TENM3: variants seen among roughly 807,000 people sequenced by gnomAD.
TENM3 encodes teneurin-3.
Under a neutral mutation model 255.1 loss-of-function variants are expected in TENM3, and 63 were observed. The observed-to-expected ratio is 0.25, with a 90% confidence interval of 0.20 to 0.30. The LOEUF is 0.30. Ranked by LOEUF, TENM3 falls within the 10% of genes least tolerant of loss-of-function variation. TENM3 has a pLI of 1.00. For synonymous variants in TENM3, 1,306 were observed against 1,322.3 expected, an observed-to-expected ratio of 0.99 and a Z score of 0.27; for missense variants, 2,929 against 3,461.1, an observed-to-expected ratio of 0.85 and a Z score of 3.86.
At chr4:182,101,325 AGGG>A in the TENM3 span, among the ~76,000 whole-genome samples, 3 of 123,984 alleles carry the variant, frequency 2.4e-5, no homozygotes, top group African/African-American at 9.0e-5. Context: ...GAAAGAATGG[AGGG>A]AGGAAGGAAA....
chr4:181,467,147 T>TTTG, the TENM3 span, among the ~76,000 whole-genome samples: 1 of 113,018 alleles, frequency 8.8e-6, no homozygotes, highest in African/African-American at 3.8e-5. Flanking sequence ...TTTTTTTTTT[T>TTTG]TAGGCAGAGT....
chr4:182,743,128 C>A, intron 18 of TENM3, 42 bp from the exon 19 acceptor site: 1 of 1,554,528 alleles, frequency 6.4e-7, no homozygotes, highest in Non-Finnish European at 8.7e-7. Flanking sequence ...CATCTTTACA[C>A]TTTTTCATCA....
chr4:182,388,859 G>C (rs1768201608), intron 3 of TENM3, among the ~76,000 whole-genome samples: 1 of 152,172 alleles, frequency 6.6e-6, no homozygotes, highest in Non-Finnish European at 1.5e-5. Context: ...ACCAAAAGTT[G>C]TTGGCTCTGC....
chr4:181,490,987 G>A, the TENM3 span, among the ~76,000 whole-genome samples: 3 of 151,996 alleles, frequency 2.0e-5, no homozygotes, highest in Non-Finnish European at 4.4e-5. Context: ...AATGTGTCAT[G>A]CAATGTATTT....
At chr4:182,253,299 A>G (rs1401777904) in intron 1 of TENM3, among the ~76,000 whole-genome samples, 2 of 152,094 alleles carry the variant, frequency 1.3e-5, no homozygotes, top group Non-Finnish European at 2.9e-5. Context: ...TGGTGAAACC[A>G]TATCTCTACT....
chr4:182,517,198 T>G (rs1414534896), intron 3 of TENM3, among the ~76,000 whole-genome samples: 3 of 152,044 alleles, frequency 2.0e-5, no homozygotes, highest in Non-Finnish European at 4.4e-5. Context: ...GCCGAGAATA[T>G]AAAAAACATA....
At chr4:181,685,412 G>C in the TENM3 span, among the ~76,000 whole-genome samples, 1 of 152,142 alleles carries the variant, frequency 6.6e-6, no homozygotes, top group Admixed American at 6.5e-5. Flanking sequence ...TATGTTAGTT[G>C]GTGCTATAGT....
chr4:181,658,343 C>T, the TENM3 span, among the ~76,000 whole-genome samples: 1 of 152,068 alleles, frequency 6.6e-6, no homozygotes, highest in Non-Finnish European at 1.5e-5. Flanking sequence ...GTAAGTGAGA[C>T]GGTGGTGAAA....
At chr4:181,932,787 G>A in the TENM3 span, among the ~76,000 whole-genome samples, 1 of 152,110 alleles carries the variant, frequency 6.6e-6, no homozygotes, top group East Asian at 1.9e-4. Flanking sequence ...ATGATAGACT[G>A]GATAAAGAAA....
At chr4:181,983,429 G>C in the TENM3 span, among the ~76,000 whole-genome samples, 1 of 152,014 alleles carries the variant, frequency 6.6e-6, no homozygotes, top group African/African-American at 2.4e-5. Flanking sequence ...GAAATACAAG[G>C]CTTAGTATAT....
chr4:181,763,420 C>A, the TENM3 span, among the ~76,000 whole-genome samples: 1 of 152,044 alleles, frequency 6.6e-6, no homozygotes, highest in African/African-American at 2.4e-5. Context: ...AAACAATAAC[C>A]CCTGGACCAA....
the TENM3 span, among the ~76,000 whole-genome samples, chr4:181,736,114 ATGGTG>A: frequency 2.0e-5 from 3 of 152,118 alleles, no homozygotes; most frequent in African/African-American, 7.2e-5. Context: ...CCTGGCCAAC[ATGGTG>A]AAACCCTGTA....
chr4:182,524,755 T>C (rs971792723), intron 3 of TENM3, among the ~76,000 whole-genome samples: 1 of 148,516 alleles, frequency 6.7e-6, no homozygotes, highest in African/African-American at 2.5e-5. Flanking sequence ...CAGTGGCTCA[T>C]ACCTGTAATC....
intron 5 of TENM3, among the ~76,000 whole-genome samples, chr4:182,630,453 A>G (rs2152472150): frequency 6.6e-6 from 1 of 152,040 alleles, no homozygotes; most frequent in South Asian, 2.1e-4. Context: ...GACCAGTCAT[A>G]AATGGGATGT....
chr4:181,887,875 AG>A, the TENM3 span, among the ~76,000 whole-genome samples: 1 of 152,178 alleles, frequency 6.6e-6, no homozygotes, highest in Non-Finnish European at 1.5e-5. Flanking sequence ...AAAGACCTCA[AG>A]GATTTAACTT....
chr4:182,177,196 G>A (rs189963622), intron 1 of TENM3, among the ~76,000 whole-genome samples: 13 of 152,120 alleles, frequency 8.5e-5, no homozygotes, highest in African/African-American at 3.1e-4. Flanking sequence ...CCTTTGTCTT[G>A]CACGAGGTGT....
chr4:182,606,557 A>G (rs530264091), intron 4 of TENM3, among the ~76,000 whole-genome samples: 2 of 150,062 alleles, frequency 1.3e-5, no homozygotes, highest in Non-Finnish European at 3.0e-5. Context: ...AAGGTAGCGT[A>G]TATAAAATAT....
the TENM3 span, among the ~76,000 whole-genome samples, chr4:181,571,304 A>G: frequency 6.6e-6 from 1 of 152,180 alleles, no homozygotes; most frequent in African/African-American, 2.4e-5. Flanking sequence ...GCCATTCATA[A>G]AATGCTATTG....
intron 3 of TENM3, among the ~76,000 whole-genome samples, chr4:182,401,059 C>T (rs554575088): frequency 1.3e-5 from 2 of 152,320 alleles, no homozygotes; most frequent in Non-Finnish European, 2.9e-5. Flanking sequence ...CCAGAACATT[C>T]CTGCTTCTGC....
Sources: allele counts gnomAD v4.1 joint callset (sites outside exome capture counted in the v4.1 genomes callset), GRCh38; gene constraint gnomAD v4.1.1; transcripts MANE v1.5; gene names NCBI Gene and HGNC (gene_info 2026-07-23, HGNC 2026-07-21).